The following TGM2 variants were observed in gnomAD, a reference collection of about 807,000 sequenced individuals.
TGM2 encodes protein-glutamine gamma-glutamyltransferase 2.
TGM2 carries 53 observed loss-of-function variants against 75.6 expected under a neutral mutation model. The observed-to-expected ratio is 0.70, with a 90% CI of 0.56 to 0.88. The LOEUF (loss-of-function observed/expected upper bound fraction) is 0.88. Ranked by LOEUF, TGM2 falls within the 40% of genes least tolerant of loss-of-function variation. The pLI, the probability that TGM2 is intolerant of heterozygous loss-of-function variation, is 0.00. For synonymous variants in TGM2, 374 were observed against 381.1 expected, an observed-to-expected ratio of 0.98 and a Z score of 0.22; for missense variants, 842 against 928.5, an observed-to-expected ratio of 0.91 and a Z score of 1.21.
chr20:38,151,411 G>C (rs2075114476), intron 3 of TGM2, among the ~76,000 whole-genome samples: 1 of 152,158 alleles, frequency 6.6e-6, no homozygotes, highest in Admixed American at 6.5e-5. Flanking sequence ...ATATTTTATA[G>C]CTAGGAAAAC....
At chr20:38,144,585 T>C (rs1163231729) in intron 6 of TGM2, among the ~76,000 whole-genome samples, 3 of 152,166 alleles carry the variant, frequency 2.0e-5, no homozygotes, top group Non-Finnish European at 4.4e-5. Flanking sequence ...CTAAGTGATC[T>C]CTCCCTGGTA....
In TGM2 at chr20:38,139,287, T is replaced by C. The variant is rs151014619; in HGVS notation, c.1342+125A>G. 3.3e-4 allele frequency: 457 copies of C among 1,380,156 alleles called. 6 individuals carry two copies. The East Asian group carries it at 9.9e-3, about 30-fold the overall frequency. 85.5% of individuals were successfully genotyped at this position (1,380,156 alleles called of 1,614,324 possible). On this transcript the variant is annotated intron_variant, in intron 9 of 12. Coordinates refer to ENST00000361475, the MANE Select transcript of TGM2 (RefSeq NM_004613.4). ...GCATTGCTGAAGATGGAGTATAGCCTACGGGGCCATTGCTGTACGTAGGCT... is the reference window on the plus strand; with the variant it reads ...GCATTGCTGAAGATGGAGTATAGCCCACGGGGCCATTGCTGTACGTAGGCT...
chr20:38,157,666 G>C (rs2075204655), intron 2 of TGM2, among the ~76,000 whole-genome samples: 1 of 152,208 alleles, frequency 6.6e-6, no homozygotes, highest in Admixed American at 6.5e-5. Context: ...AGCTTAAAGA[G>C]GACAGGCATA....
At chr20:38,160,455 C>A (rs2075240264) in intron 2 of TGM2, among the ~76,000 whole-genome samples, 2 of 152,244 alleles carry the variant, frequency 1.3e-5, no homozygotes, top group Non-Finnish European at 1.5e-5. Context: ...TAAGTAACAG[C>A]TGCAAATATC....
intron 9 of TGM2, 136 bp from the exon 10 acceptor site, chr20:38,138,521 G>A (rs1255396286): frequency 1.2e-5 from 18 of 1,519,314 alleles, no homozygotes; most frequent in Non-Finnish European, 4.5e-6. Flanking sequence ...TACATTTCTG[G>A]GCCAGAAGGA....
At chr20:38,145,184 G>T (rs914864506) in intron 6 of TGM2, among the ~76,000 whole-genome samples, 1 of 152,290 alleles carries the variant, frequency 6.6e-6, no homozygotes, top group East Asian at 1.9e-4. Flanking sequence ...GAGAACCTAG[G>T]TTAGGCTGCC....
chr20:38,148,017 G>T lies in TGM2; in HGVS notation c.625C>A (p.Arg209Ser). The change falls in exon 5 of 13, where the codon CGT becomes AGT. Residue 209 changes from arginine (R) to serine (S), a missense_variant. Arg to Ser is a moderately radical substitution (Grantham distance 110). Transcript: ENST00000361475. Reference protein sequence around the residue: ...VNPKFLKNAGRDCSRRSSPVY... With the variant: ...VNPKFLKNAGSDCSRRSSPVY... ...GGGCTGCTGCGGCGGGAGCAGTCAC[G>T]GCCGGCGTTCTTCAGGAACTTGGGG... The T allele has an allele frequency of 6.2e-7, 1 of 1,612,362 alleles. No individual in the cohort carries two copies. The highest frequency in any genetic ancestry group is 8.5e-7 in the Non-Finnish European group (1 of 1,179,420).
At position 38,130,383 on chromosome 20, in the gene TGM2, G is replaced by A. The variant is rs45581631; in HGVS notation, c.1914-14C>T. The A allele has an allele frequency of 5.7e-3, 8,919 of 1,577,490 alleles. 435 individuals carry two copies. The African/African-American group carries it at 0.1, about 18-fold the overall frequency. On this transcript the variant is annotated splice_polypyrimidine_tract_variant and intron_variant, in intron 12 of 12. Coordinates refer to ENST00000361475, the MANE Select transcript of TGM2 (RefSeq NM_004613.4). ...ACGGGGTCTGGGCTGCAGGGAGAGA[G>A]GGGGTGGTGAGGAAAGGGGCCCAAG... is the stretch of plus-strand genomic sequence containing the variant.
intron 4 of TGM2, 61 bp downstream of exon 4, chr20:38,150,878 C>A: frequency 7.6e-7 from 1 of 1,321,534 alleles, no homozygotes; most frequent in Admixed American, 1.7e-5. Flanking sequence ...TGCCCCCAGA[C>A]ACAGGGCCGG....
At chr20:38,146,678 T>G (rs1210674881) in intron 6 of TGM2, 39 bp downstream of exon 6, 1 of 1,611,680 alleles carries the variant, frequency 6.2e-7, no homozygotes, top group Admixed American at 1.7e-5. Flanking sequence ...TCGTGCCCCC[T>G]CCCAGGGCTC....
intron 11 of TGM2, 99 bp downstream of exon 11, chr20:38,132,241 C>T: frequency 7.1e-7 from 1 of 1,401,800 alleles, no homozygotes; most frequent in Non-Finnish European, 1.0e-6. Context: ...AGGTCTGGAG[C>T]TTGCAGGGAT....
At position 38,132,340 on chromosome 20, in the gene TGM2, C is replaced by T; in HGVS notation, c.1776G>A (p.Arg592=). 6.2e-7 allele frequency: 1 copy of T among 1,614,084 alleles called. No individual in the cohort carries two copies. Residue 592 remains arginine (R), a splice_region_variant and synonymous_variant, in exon 11 of 13, where the codon CGG becomes CGA. Coordinates refer to ENST00000361475, the MANE Select transcript of TGM2 (RefSeq NM_004613.4). Reference sequence around the variant, plus strand: ...TGCCCCTTGCCCAGCCTGCCCTTACCCGGATCTTGATTTCTGGATTCTCCA... The same window carrying T: ...TGCCCCTTGCCCAGCCTGCCCTTACTCGGATCTTGATTTCTGGATTCTCCA... ...LYLENPEIKI[R]ILGEPKQKRK...
intron 3 of TGM2, among the ~76,000 whole-genome samples, chr20:38,151,966 C>A (rs1034975088): frequency 2.0e-5 from 3 of 152,114 alleles, no homozygotes; most frequent in Non-Finnish European, 2.9e-5. Flanking sequence ...GAAACTGAGG[C>A]CAAGAAGGGG....
chr20:38,150,210 G>A (rs1312922776), intron 4 of TGM2, among the ~76,000 whole-genome samples: 2 of 152,200 alleles, frequency 1.3e-5, no homozygotes, highest in Non-Finnish European at 2.9e-5. Context: ...TGGCCCACTG[G>A]GGAGTGAGAA....
At chr20:38,153,981 T>C (rs958083032) in intron 3 of TGM2, among the ~76,000 whole-genome samples, 1 of 152,220 alleles carries the variant, frequency 6.6e-6, no homozygotes, top group Admixed American at 6.5e-5. Context: ...CACATCGGTC[T>C]AATTTTTGTA....
intron 6 of TGM2, among the ~76,000 whole-genome samples, chr20:38,143,864 A>T (rs1034600921): frequency 6.6e-6 from 1 of 152,160 alleles, no homozygotes. Flanking sequence ...GCCACCATCG[A>T]TAGGCCAGGG....
intron 9 of TGM2, among the ~76,000 whole-genome samples, chr20:38,138,839 A>G (rs999077565): frequency 6.6e-6 from 1 of 152,068 alleles, no homozygotes; most frequent in Non-Finnish European, 1.5e-5. Flanking sequence ...CCTTCCTTAT[A>G]TTCCATTTGC....
intron 4 of TGM2, among the ~76,000 whole-genome samples, chr20:38,149,382 A>G (rs2075086220): frequency 6.6e-6 from 1 of 152,060 alleles, no homozygotes; most frequent in African/African-American, 2.4e-5. Flanking sequence ...CCGGATACAA[A>G]ACAAGACCCT....
intron 6 of TGM2, 99 bp downstream of exon 6, chr20:38,146,618 C>T: frequency 7.0e-7 from 1 of 1,430,740 alleles, no homozygotes; most frequent in Non-Finnish European, 9.7e-7. Flanking sequence ...GTGTTGGTGG[C>T]AGGGGGCAGG....
Sources: gnomAD v4.1 joint callset for allele counts (sites outside exome capture counted in the v4.1 genomes callset) on GRCh38, gnomAD v4.1.1 for gene constraint, MANE v1.5 for transcripts, NCBI Gene and HGNC (gene_info 2026-07-23, HGNC 2026-07-21) for gene names.